The following MOXD1 variants were observed in gnomAD, a reference collection of about 807,000 sequenced individuals.
The protein encoded by MOXD1 is DBH-like monooxygenase protein 1.
Under a neutral mutation model 66.6 loss-of-function variants are expected in MOXD1, and 62 were observed. The ratio of observed to expected loss-of-function variants is 0.93; its 90% CI spans 0.76 to 1.15. The LOEUF is 1.15. Ranked by LOEUF, MOXD1 falls within the 50% of genes most tolerant of loss-of-function variation. The probability of loss-of-function intolerance (pLI) is 0.00; values close to 1 mark genes in which losing one functional copy is unlikely to be tolerated. For missense variants in MOXD1, 847 were observed against 754.6 expected, an observed-to-expected ratio of 1.12 and a Z score of -1.44; for synonymous variants, 303 against 281.9, an observed-to-expected ratio of 1.07 and a Z score of -0.75.
At chr6:132,364,757 T>C (rs1412642777) in intron 4 of MOXD1, among the ~76,000 whole-genome samples, 1 of 152,192 alleles carries the variant, frequency 6.6e-6, no homozygotes, top group African/African-American at 2.4e-5. Flanking sequence ...TTGCCAAACA[T>C]ATAAGCACTC....
intron 4 of MOXD1, among the ~76,000 whole-genome samples, chr6:132,337,880 T>G (rs1375557325): frequency 6.6e-6 from 1 of 152,138 alleles, no homozygotes; most frequent in Non-Finnish European, 1.5e-5. Flanking sequence ...AATTAACATA[T>G]CTATGGCCAA....
At chr6:132,297,372 T>C in intron 11 of MOXD1, 55 bp from the exon 12 acceptor site, 1 of 1,565,732 alleles carries the variant, frequency 6.4e-7, no homozygotes. Flanking sequence ...GGCAGCACAG[T>C]GACCAGGCCG....
chr6:132,325,417 G>A (rs938222803), intron 6 of MOXD1, among the ~76,000 whole-genome samples: 2 of 152,194 alleles, frequency 1.3e-5, no homozygotes, highest in Non-Finnish European at 2.9e-5. Context: ...AGCTTTAAGA[G>A]GTGTCTAGGT....
chr6:132,395,045 CA>C (rs1193587956), intron 1 of MOXD1, among the ~76,000 whole-genome samples: 10 of 152,022 alleles, frequency 6.6e-5, no homozygotes, highest in African/African-American at 2.4e-4. Flanking sequence ...AGAGAAAACT[CA>C]AAAAAGCAAG....
At chr6:132,397,419 A>G (rs539315826) in intron 1 of MOXD1, among the ~76,000 whole-genome samples, 1 of 152,284 alleles carries the variant, frequency 6.6e-6, no homozygotes, top group South Asian at 2.1e-4. Context: ...TCTGCCTTTC[A>G]TGAATTTTCA....
At chr6:132,397,126 T>C (rs1326927758) in intron 1 of MOXD1, among the ~76,000 whole-genome samples, 1 of 152,212 alleles carries the variant, frequency 6.6e-6, no homozygotes, top group East Asian at 1.9e-4. Flanking sequence ...GCTATGATCC[T>C]ACCACAGCAC....
At chr6:132,347,635 C>G (rs1775693143) in intron 4 of MOXD1, among the ~76,000 whole-genome samples, 1 of 151,778 alleles carries the variant, frequency 6.6e-6, no homozygotes, top group Non-Finnish European at 1.5e-5. Flanking sequence ...CAAGATTGTA[C>G]CACTGCACTC....
At chr6:132,384,279 TTCCTTCCTTCC>T (rs1203231356) in intron 1 of MOXD1, among the ~76,000 whole-genome samples, 65 of 84,472 alleles carry the variant, frequency 7.7e-4, no homozygotes, top group African/African-American at 3.2e-3. Flanking sequence ...CCTTCCTTCC[TTCCTTCCTTCC>T]TCCTTCCTTC....
At chr6:132,395,864 C>T (rs1251352556) in intron 1 of MOXD1, among the ~76,000 whole-genome samples, 2 of 152,100 alleles carry the variant, frequency 1.3e-5, no homozygotes, top group Non-Finnish European at 2.9e-5. Flanking sequence ...AATACATATG[C>T]ACTCAACACC....
Position 132,384,299 on chromosome 6 carries a change from TCCTC to T in MOXD1, c.265-9526_265-9523del, listed in dbSNP as rs141203542. Among the ~76,000 whole-genome samples the T allele has an allele frequency of 2.3e-3, 257 of 109,590 alleles. 1 individual carries two copies. Among genetic ancestry groups the T allele is most frequent in the African/African-American group, 7.3e-3 (228 of 31,040 alleles). 71.9% of individuals were successfully genotyped at this position (109,590 alleles called of 152,430 possible). On this transcript the variant is annotated intron_variant, in intron 1 of 11. Coordinates refer to ENST00000367963, the MANE Select transcript of MOXD1 (RefSeq NM_015529.4). ...CTTCCTTCCTTCCTTCCTCCTTCCT[TCCTC>T]CCTCCCTCCCTTTCATTCTTCCTTT...
rs1455674652 is a variant in MOXD1 at position 132,296,064 on chromosome 6, A to G, written c.*1089T>C. ...AAATACCACACAAAAGTGTAATTTC[A>G]TTTAGTTTATTAATATGATCCAAAC... On this transcript the variant is annotated 3_prime_UTR_variant, in exon 12 of 12. Coordinates refer to ENST00000367963, the MANE Select transcript of MOXD1 (RefSeq NM_015529.4). 1.3e-5 allele frequency: 2 copies of G among 152,178 alleles called. No homozygotes were observed. Among genetic ancestry groups the G allele is most frequent in the South Asian group, 4.1e-4 (2 of 4,834 alleles). 9.4% of individuals were successfully genotyped at this position (152,178 alleles called of 1,614,324 possible).
intron 9 of MOXD1, among the ~76,000 whole-genome samples, chr6:132,317,702 A>G (rs1278847870): frequency 6.6e-6 from 1 of 152,130 alleles, no homozygotes; most frequent in African/African-American, 2.4e-5. Context: ...TTAGTAAAAT[A>G]ATATTTCAAC....
intron 1 of MOXD1, among the ~76,000 whole-genome samples, chr6:132,397,522 G>A (rs1347823229): frequency 6.6e-6 from 1 of 152,078 alleles, no homozygotes; most frequent in African/African-American, 2.4e-5. Context: ...AATTGTGTGT[G>A]AGTGTGTGTG....
At chr6:132,366,501 G>GA (rs35284575) in intron 4 of MOXD1, among the ~76,000 whole-genome samples, 19,464 of 151,978 alleles carry the variant, frequency 0.13, 1,324 homozygotes, top group South Asian at 0.23. Flanking sequence ...TCCATCGGGG[G>GA]AAAAACTGCA....
chr6:132,395,965 C>G (rs186609359), intron 1 of MOXD1, among the ~76,000 whole-genome samples: 168 of 152,308 alleles, frequency 1.1e-3, no homozygotes, highest in African/African-American at 3.8e-3. Context: ...AGCCCACTCT[C>G]AGCATTAGAC....
intron 4 of MOXD1, among the ~76,000 whole-genome samples, chr6:132,348,017 T>C (rs946459917): frequency 6.6e-6 from 1 of 152,170 alleles, no homozygotes; most frequent in African/African-American, 2.4e-5. Context: ...AAATAAACAC[T>C]GGCCTTCATG....
intron 10 of MOXD1, among the ~76,000 whole-genome samples, chr6:132,299,154 C>T (rs940142195): frequency 1.6e-4 from 24 of 152,130 alleles, no homozygotes; most frequent in African/African-American, 5.3e-4. Flanking sequence ...AGGCCATCAT[C>T]CTAAGTGAAT....
Position 132,322,706 on chromosome 6 carries a change from A to G in MOXD1, c.1278T>C (p.Tyr426=). The change falls in exon 8 of 12, where the codon TAT becomes TAC. Residue 426 remains tyrosine (Y), a synonymous_variant. Coordinates refer to ENST00000367963, the MANE Select transcript of MOXD1 (RefSeq NM_015529.4). ...DFDFNFQEFQ[Y]LKEEQTILPG... is the part of the protein sequence containing the mutation. Reference sequence around the variant, plus strand: ...GTAAGATTGTTTGTTCTTCCTTTAGATACTGAAACTCCTGGAAATTGAAGT... The same window carrying G: ...GTAAGATTGTTTGTTCTTCCTTTAGGTACTGAAACTCCTGGAAATTGAAGT... 2 of 1,613,960 alleles carry G rather than the reference A, an allele frequency of 1.2e-6. No homozygotes were observed. Among genetic ancestry groups the G allele is most frequent in the East Asian group, 2.2e-5 (1 of 44,878 alleles).
intron 4 of MOXD1, among the ~76,000 whole-genome samples, chr6:132,358,521 T>A (rs941181955): frequency 6.6e-6 from 1 of 152,378 alleles, no homozygotes; most frequent in Middle Eastern, 3.4e-3. Context: ...AATACTTGTC[T>A]TCTAAAATTC....
Sources: allele counts gnomAD v4.1 joint callset (sites outside exome capture counted in the v4.1 genomes callset), GRCh38; gene constraint gnomAD v4.1.1; transcripts MANE v1.5; gene names NCBI Gene and HGNC (gene_info 2026-07-23, HGNC 2026-07-21).